The following ASTN2 variants were observed in gnomAD, a reference collection of about 807,000 sequenced individuals.
The protein encoded by ASTN2 is astrotactin-2.
Under a neutral mutation model 139.8 loss-of-function variants are expected in ASTN2, and 54 were observed. The observed-to-expected ratio is 0.39, with a 90% CI of 0.31 to 0.48. The LOEUF is 0.48. Among genes scored for constraint, ASTN2 ranks in the 20% least tolerant of loss-of-function variants. The pLI, the probability that ASTN2 is intolerant of heterozygous loss-of-function variation, is 0.95. For missense variants in ASTN2, 1,565 were observed against 1,725.1 expected (o/e 0.91, Z 1.64); for synonymous variants, 756 against 719.5 (o/e 1.05, Z -0.81).
At chr9:117,407,024 T>A (rs1024574994) in intron 1 of ASTN2, among the ~76,000 whole-genome samples, 2 of 152,148 alleles carry the variant, frequency 1.3e-5, no homozygotes, top group Non-Finnish European at 2.9e-5. Flanking sequence ...GGCCTGGCTA[T>A]GATTATAGCA....
chr9:116,634,888 C>T (rs1237041297), intron 17 of ASTN2, among the ~76,000 whole-genome samples: 2 of 151,776 alleles, frequency 1.3e-5, no homozygotes, highest in East Asian at 1.9e-4. Context: ...TATGCCTACT[C>T]TGTGCTGGAT....
At chr9:116,604,268 TG>T (rs1006015423) in intron 19 of ASTN2, among the ~76,000 whole-genome samples, 16 of 152,220 alleles carry the variant, frequency 1.1e-4, no homozygotes, top group African/African-American at 3.9e-4. Context: ...CTGGGTGGCA[TG>T]GGGGAATGAA....
intron 10 of ASTN2, among the ~76,000 whole-genome samples, chr9:116,968,463 C>T (rs1252429673): frequency 1.3e-5 from 2 of 152,158 alleles, no homozygotes; most frequent in Admixed American, 1.3e-4. Context: ...TCATTGCTGA[C>T]TCTGCTAGCC....
chr9:116,804,841 CGTGT>C (rs1180677174), intron 13 of ASTN2, among the ~76,000 whole-genome samples: 2 of 148,034 alleles, frequency 1.4e-5, no homozygotes, highest in East Asian at 2.0e-4. Context: ...TGTGTGTGTA[CGTGT>C]GTGTGTGTGT....
Position 116,424,638 on chromosome 9 carries a change from C to T in ASTN2, c.*1213G>A, listed in dbSNP as rs569209540. On this transcript the variant is annotated 3_prime_UTR_variant, in exon 23 of 23. Coordinates refer to ENST00000313400, the MANE Select transcript of ASTN2 (RefSeq NM_001365068.1). Reference sequence around the variant, plus strand: ...TGTCACCTAGGCTGGAGTCCAGTGGCTCCATGTCAGTTCACTGCAAACTCT... The same window carrying T: ...TGTCACCTAGGCTGGAGTCCAGTGGTTCCATGTCAGTTCACTGCAAACTCT... Among the ~76,000 whole-genome samples the T allele has an allele frequency of 6.7e-6, 1 of 149,576 alleles. No homozygotes were observed. Among genetic ancestry groups the T allele is most frequent in the African/African-American group, 2.5e-5 (1 of 40,566 alleles).
chr9:116,945,609 TCTCCCTCCCTTCTGCC>T (rs969496513), intron 10 of ASTN2, among the ~76,000 whole-genome samples: 4 of 152,092 alleles, frequency 2.6e-5, no homozygotes, highest in African/African-American at 9.7e-5. Context: ...TTTCTCCCTT[TCTCCCTCCCTTCTGCC>T]CTCCCTCCCT....
At chr9:117,064,262 C>T (rs940891776) in intron 5 of ASTN2, among the ~76,000 whole-genome samples, 1 of 152,118 alleles carries the variant, frequency 6.6e-6, no homozygotes. Context: ...ATGGCCAGTG[C>T]TTCCTCCAAG....
intron 19 of ASTN2, among the ~76,000 whole-genome samples, chr9:116,543,192 A>G (rs997605248): frequency 2.0e-5 from 3 of 151,552 alleles, no homozygotes; most frequent in African/African-American, 7.3e-5. Context: ...AGATTATAGC[A>G]TAAGGGCAGT....
chr9:116,769,490 G>A (rs1829900520), intron 13 of ASTN2, among the ~76,000 whole-genome samples: 1 of 152,094 alleles, frequency 6.6e-6, no homozygotes, highest in Admixed American at 6.6e-5. Context: ...GAGGGGATGA[G>A]TTTGGAGAGA....
At chr9:117,143,466 T>A (rs1476634929) in intron 3 of ASTN2, among the ~76,000 whole-genome samples, 1 of 152,184 alleles carries the variant, frequency 6.6e-6, no homozygotes, top group Non-Finnish European at 1.5e-5. Flanking sequence ...CAGTTTGGAA[T>A]CCTCGAAGGG....
intron 1 of ASTN2, among the ~76,000 whole-genome samples, chr9:117,342,489 C>T (rs1420331114): frequency 6.6e-6 from 1 of 152,172 alleles, no homozygotes; most frequent in African/African-American, 2.4e-5. Context: ...GCCTCTGAAC[C>T]ATCCTCTTCT....
In ASTN2 at chr9:117,039,810, G is replaced by A. The variant is rs367559989; in HGVS notation, c.1423+9C>T. ...TGGGTGTGGAGCATCTGCAATGCTC[G>A]GCTCTTACCATCTGCTATGAAGTGC... On this transcript the variant is annotated intron_variant, in intron 6 of 22. Transcript: ENST00000313400. The A allele has an allele frequency of 1.5e-4, 239 of 1,611,546 alleles. No homozygotes were observed. Among genetic ancestry groups the A allele is most frequent in the Non-Finnish European group, 1.8e-4 (211 of 1,179,028 alleles).
At chr9:116,510,175 A>C (rs1380048410) in intron 19 of ASTN2, among the ~76,000 whole-genome samples, 2 of 152,166 alleles carry the variant, frequency 1.3e-5, no homozygotes, top group Non-Finnish European at 2.9e-5. Context: ...TCTTGAATTA[A>C]TTTTTGTATA....
At chr9:117,402,124 T>C (rs1287567258) in intron 1 of ASTN2, among the ~76,000 whole-genome samples, 1 of 152,200 alleles carries the variant, frequency 6.6e-6, no homozygotes, top group Non-Finnish European at 1.5e-5. Context: ...TGGAGTGCAG[T>C]GGCACGATTT....
At chr9:117,353,280 C>A (rs1160617327) in intron 1 of ASTN2, among the ~76,000 whole-genome samples, 2 of 151,996 alleles carry the variant, frequency 1.3e-5, no homozygotes, top group African/African-American at 4.8e-5. Context: ...TTCTAGCAAA[C>A]CATAAAAAGA....
At chr9:116,498,344 G>C (rs1212481742) in intron 19 of ASTN2, among the ~76,000 whole-genome samples, 1 of 152,112 alleles carries the variant, frequency 6.6e-6, no homozygotes, top group African/African-American at 2.4e-5. Context: ...CAGTTCTTGG[G>C]GAAGCTAAGG....
rs76144451 is a variant in ASTN2, at chr9:117,211,590, C to T, written c.1015+2768G>A. Among the ~76,000 whole-genome samples, 514 of 152,252 alleles carry T rather than the reference C, an allele frequency of 3.4e-3. 5 individuals are homozygous for T. Among genetic ancestry groups the T allele is most frequent in the African/African-American group, 0.011 (466 of 41,568 alleles). ...CTCCCCAACCGTGCCTCCTGTATAG[C>T]TGTGAAATTGTGAGTCAATTAAACC... On this transcript the variant is annotated intron_variant, in intron 3 of 22. Coordinates refer to ENST00000313400, the MANE Select transcript of ASTN2 (RefSeq NM_001365068.1).
At chr9:116,774,878 A>G (rs1260286758) in intron 13 of ASTN2, among the ~76,000 whole-genome samples, 2 of 151,346 alleles carry the variant, frequency 1.3e-5, no homozygotes. Context: ...GCAAACTCAC[A>G]TGCACCCATC....
intron 3 of ASTN2, among the ~76,000 whole-genome samples, chr9:117,191,373 C>A (rs1173804153): frequency 1.3e-5 from 2 of 151,752 alleles, no homozygotes; most frequent in African/African-American, 4.8e-5. Flanking sequence ...TTTTCACTTT[C>A]AATATATAAA....
Sources: allele counts gnomAD v4.1 joint callset (sites outside exome capture counted in the v4.1 genomes callset), GRCh38; gene constraint gnomAD v4.1.1; transcripts MANE v1.5; gene names NCBI Gene and HGNC (gene_info 2026-07-23, HGNC 2026-07-21).